PATJ: variants seen among roughly 807,000 people sequenced by gnomAD.
PATJ encodes inaD-like protein.
A neutral mutation model predicts 224.9 loss-of-function variants in PATJ; 190 were observed. That is an observed-to-expected ratio of 0.84 (90% CI 0.75 to 0.95). The LOEUF is 0.95. Ranked by LOEUF, PATJ falls within the 40% of genes least tolerant of loss-of-function variation. PATJ has a pLI of 0.00. For missense variants in PATJ, 2,121 were observed against 2,270.3 expected, an observed-to-expected ratio of 0.93 and a Z score of 1.34; for synonymous variants, 769 against 820.3, an observed-to-expected ratio of 0.94 and a Z score of 1.07.
chr1:61,872,954 G>T (rs1666840940), intron 20 of PATJ, among the ~76,000 whole-genome samples: 1 of 152,088 alleles, frequency 6.6e-6, no homozygotes, highest in African/African-American at 2.4e-5. Context: ...GAAGTATTTT[G>T]TATATCGGCT....
chr1:62,010,175 G>C (rs564385967), intron 28 of PATJ, among the ~76,000 whole-genome samples: 1 of 151,534 alleles, frequency 6.6e-6, no homozygotes, highest in Non-Finnish European at 1.5e-5. Context: ...TCGTGAGATT[G>C]TAGCAATCCA....
chr1:62,159,462 G>T lies in PATJ; in HGVS notation c.5503-1446G>T, dbSNP rs961238444. ...CTGCCTTGACCACCCAAAGTGCTGGGATTACAGGCATGAGCCACCATGTCC... is the reference window on the plus strand; with the variant it reads ...CTGCCTTGACCACCCAAAGTGCTGGTATTACAGGCATGAGCCACCATGTCC... On this transcript the variant is annotated intron_variant, in intron 43 of 43. Transcript: ENST00000642238. Among the ~76,000 whole-genome samples the T allele has an allele frequency of 2.0e-5, 3 of 152,076 alleles. No individual in the cohort carries two copies. The East Asian group carries it at 5.8e-4, about 29-fold the overall frequency.
In PATJ at chr1:61,752,138, C is replaced by CAAAA. The variant is rs33975795; in HGVS notation, c.-36+9596_-36+9599dup. Among the ~76,000 whole-genome samples the CAAAA allele has an allele frequency of 3.4e-3, 402 of 117,906 alleles. 2 individuals are homozygous for CAAAA. The highest frequency in any genetic ancestry group is 0.012 in the African/African-American group (382 of 30,888). 77.4% of individuals were successfully genotyped at this position (117,906 alleles called of 152,430 possible). On this transcript the variant is annotated intron_variant, in intron 1 of 43. Coordinates refer to ENST00000642238, the MANE Select transcript of PATJ (RefSeq NM_001350145.3). ...GCGCAACAGGAGCAAAACATCATCT[C>CAAAA]AAAAAAAAAAAAAAAAGAAGCCTAC... is the stretch of plus-strand genomic sequence containing the variant.
chr1:61,862,386 AG>A (rs1221711192), intron 19 of PATJ, among the ~76,000 whole-genome samples: 2 of 150,282 alleles, frequency 1.3e-5, no homozygotes, highest in African/African-American at 4.9e-5. Flanking sequence ...TAGTAGAGAC[AG>A]GGTTTCGCCA....
intron 29 of PATJ, among the ~76,000 whole-genome samples, chr1:62,037,741 C>T (rs1003817654): frequency 1.1e-4 from 16 of 152,168 alleles, no homozygotes; most frequent in African/African-American, 3.9e-4. Flanking sequence ...AGCATCATCA[C>T]TCTTTGTCAC....
chr1:62,150,297 C>T (rs2149036495), intron 42 of PATJ, among the ~76,000 whole-genome samples: 1 of 152,252 alleles, frequency 6.6e-6, no homozygotes, highest in South Asian at 2.1e-4. Context: ...GTCCTGAGGA[C>T]TCAAACTTAG....
chr1:61,994,025 CA>C (rs1173500205), intron 28 of PATJ, among the ~76,000 whole-genome samples: 1 of 152,136 alleles, frequency 6.6e-6, no homozygotes. Context: ...CTTAACTCCC[CA>C]TCACTCCACA....
chr1:61,925,423 A>C (rs1214064720), intron 26 of PATJ, among the ~76,000 whole-genome samples: 1 of 152,190 alleles, frequency 6.6e-6, no homozygotes, highest in African/African-American at 2.4e-5. Context: ...ATTTATTCCT[A>C]CTATCAGCGA....
intron 16 of PATJ, among the ~76,000 whole-genome samples, chr1:61,827,802 C>T (rs1658539608): frequency 6.6e-6 from 1 of 152,156 alleles, no homozygotes; most frequent in Non-Finnish European, 1.5e-5. Flanking sequence ...CATTGATGCA[C>T]ATGGATTTTG....
rs148613164 is a variant in PATJ, at chr1:62,156,412, C to G, written c.5502+2931C>G. On this transcript the variant is annotated intron_variant, in intron 43 of 43. Transcript: ENST00000642238. ...ATTCGTAATGACAGGCACCTGTAAT[C>G]CCAGCTACTCGGGAGGCTGAGGCAC... Among the ~76,000 whole-genome samples, 570 of 151,970 alleles carry G rather than the reference C, an allele frequency of 3.8e-3. 1 individual carries two copies. The highest frequency in any genetic ancestry group is 6.9e-3 in the Admixed American group (105 of 15,238).
At chr1:61,745,796 G>A (rs1049440861) in intron 1 of PATJ, among the ~76,000 whole-genome samples, 1 of 149,482 alleles carries the variant, frequency 6.7e-6, no homozygotes, top group Non-Finnish European at 1.5e-5. Flanking sequence ...TAGAGATGGG[G>A]TTTCACCATG....
intron 18 of PATJ, among the ~76,000 whole-genome samples, chr1:61,857,145 A>C (rs71641748): frequency 0.073 from 11,163 of 152,218 alleles, 504 homozygotes; most frequent in South Asian, 0.15. Flanking sequence ...TGAAGGCTAC[A>C]TTACAGTTAT....
At chr1:62,102,715 G>A (rs562574462) in intron 33 of PATJ, among the ~76,000 whole-genome samples, 2 of 151,848 alleles carry the variant, frequency 1.3e-5, no homozygotes, top group East Asian at 3.9e-4. Flanking sequence ...AGCACAATTA[G>A]CCAGGTGTGG....
chr1:61,832,313 CT>C (rs150211737), intron 16 of PATJ, among the ~76,000 whole-genome samples: 9,941 of 152,132 alleles, frequency 0.065, 351 homozygotes, highest in African/African-American at 0.08. Flanking sequence ...CACATACCCC[CT>C]GAACCTAAAA....
chr1:61,808,620 G>A, intron 14 of PATJ, 90 bp downstream of exon 14: 2 of 763,048 alleles, frequency 2.6e-6, no homozygotes, highest in South Asian at 3.3e-5. Flanking sequence ...CAAACTCATA[G>A]GCTAAAGTGA....
intron 19 of PATJ, among the ~76,000 whole-genome samples, chr1:61,863,834 T>C (rs1664999772): frequency 6.6e-6 from 1 of 152,240 alleles, no homozygotes; most frequent in Admixed American, 6.5e-5. Flanking sequence ...AGCTTGAAAA[T>C]CCTGACCTTT....
chr1:62,070,422 C>T (rs12093359), intron 31 of PATJ, among the ~76,000 whole-genome samples: 5,416 of 152,084 alleles, frequency 0.036, 352 homozygotes, highest in African/African-American at 0.12. Context: ...TTTAAGTTCC[C>T]GAACTTTGAT....
At chr1:62,051,177 G>C in intron 31 of PATJ, 119 bp downstream of exon 31, 1 of 736,188 alleles carries the variant, frequency 1.4e-6, no homozygotes, top group Non-Finnish European at 2.3e-6. Flanking sequence ...CTTCGTCTGT[G>C]AGACAAGAAG....
intron 28 of PATJ, among the ~76,000 whole-genome samples, chr1:61,995,445 C>T (rs988114650): frequency 6.6e-6 from 1 of 152,034 alleles, no homozygotes; most frequent in African/African-American, 2.4e-5. Context: ...TAGAAAATAG[C>T]AAAAAGAGAG....
Sources: allele counts gnomAD v4.1 joint callset (sites outside exome capture counted in the v4.1 genomes callset), GRCh38; gene constraint gnomAD v4.1.1; transcripts MANE v1.5; gene names NCBI Gene and HGNC (gene_info 2026-07-23, HGNC 2026-07-21).